Variants in TRPM3 observed in about 807,000 individuals in gnomAD.
The protein encoded by TRPM3 is transient receptor potential cation channel subfamily M member 3.
In TRPM3, 77 loss-of-function variants were observed where a neutral mutation model predicts 181.2. The observed-to-expected ratio is 0.42, with a 90% CI of 0.35 to 0.51. TRPM3 has a LOEUF of 0.51. Among genes scored for constraint, TRPM3 ranks in the 20% least tolerant of loss-of-function variants. The pLI is 0.01. For synonymous variants in TRPM3, 745 were observed against 796.4 expected, an observed-to-expected ratio of 0.94 and a Z score of 1.09; for missense variants, 1,759 against 2,196.7, an observed-to-expected ratio of 0.80 and a Z score of 3.98.
chr9:70,915,297 T>A (rs2096580160), intron 1 of TRPM3, among the ~76,000 whole-genome samples: 1 of 151,174 alleles, frequency 6.6e-6, no homozygotes, highest in Admixed American at 6.6e-5. Context: ...TGCATCAGAG[T>A]CTTTTTTTTT....
intron 1 of TRPM3, among the ~76,000 whole-genome samples, chr9:71,233,573 A>G (rs1051672607): frequency 1.3e-5 from 2 of 152,264 alleles, no homozygotes; most frequent in Admixed American, 6.5e-5. Flanking sequence ...TGTGGGGAAC[A>G]GCCTTGATGA....
chr9:71,246,593 T>C (rs1461402575), intron 1 of TRPM3, among the ~76,000 whole-genome samples: 1 of 152,222 alleles, frequency 6.6e-6, no homozygotes, highest in Non-Finnish European at 1.5e-5. Context: ...AGAATTGAAT[T>C]GGCCCTGTTT....
At chr9:70,856,394 G>C (rs2095389297) in intron 3 of TRPM3, among the ~76,000 whole-genome samples, 1 of 152,164 alleles carries the variant, frequency 6.6e-6, no homozygotes, top group Non-Finnish European at 1.5e-5. Context: ...GTTAGCCACA[G>C]CCTATTGATC....
chr9:70,546,310 A>G (rs2044864784), intron 25 of TRPM3, among the ~76,000 whole-genome samples: 1 of 152,184 alleles, frequency 6.6e-6, no homozygotes, highest in Admixed American at 6.5e-5. Context: ...TGCAATTTTC[A>G]GGCCTTACTG....
chr9:70,934,309 A>T (rs2096803237), intron 1 of TRPM3, among the ~76,000 whole-genome samples: 1 of 152,140 alleles, frequency 6.6e-6, no homozygotes, highest in Non-Finnish European at 1.5e-5. Flanking sequence ...GAGTTGTGGC[A>T]TTGTTCATTC....
intron 18 of TRPM3, among the ~76,000 whole-genome samples, chr9:70,611,015 T>C (rs891842960): frequency 6.6e-6 from 1 of 152,202 alleles, no homozygotes; most frequent in East Asian, 1.9e-4. Flanking sequence ...ATGTGGGTTA[T>C]AGATGATACC....
At chr9:71,347,244 T>C (rs945758785) in intron 1 of TRPM3, among the ~76,000 whole-genome samples, 4 of 152,178 alleles carry the variant, frequency 2.6e-5, no homozygotes, top group Non-Finnish European at 4.4e-5. Context: ...GTAAAAATGT[T>C]GATACATGAT....
intron 1 of TRPM3, among the ~76,000 whole-genome samples, chr9:71,288,164 T>G (rs910733205): frequency 4.6e-5 from 7 of 151,508 alleles, no homozygotes; most frequent in African/African-American, 1.7e-4. Flanking sequence ...AACCCCGATA[T>G]TAAATTTATA....
At chr9:71,081,872 A>G (rs563171142) in intron 1 of TRPM3, among the ~76,000 whole-genome samples, 3 of 152,320 alleles carry the variant, frequency 2.0e-5, no homozygotes, top group Admixed American at 6.5e-5. Flanking sequence ...TTTTCTTAGC[A>G]ACATTGCCAC....
chr9:71,038,234 C>A (rs1407508871), intron 1 of TRPM3, among the ~76,000 whole-genome samples: 1 of 152,184 alleles, frequency 6.6e-6, no homozygotes. Flanking sequence ...GAATGTAGAT[C>A]AGGAGCATGA....
chr9:71,057,303 C>CTAGCTTGG (rs1471332023), intron 1 of TRPM3, among the ~76,000 whole-genome samples: 5 of 151,970 alleles, frequency 3.3e-5, no homozygotes, highest in African/African-American at 1.2e-4. Flanking sequence ...TTTTGTAGCC[C>CTAGCTTGG]TAGCTTGGGC....
intron 9 of TRPM3, among the ~76,000 whole-genome samples, chr9:70,644,085 T>C (rs1017517101): frequency 7.9e-5 from 12 of 152,208 alleles, no homozygotes; most frequent in African/African-American, 2.9e-4. Context: ...CAGATATTTA[T>C]TGAATACTCT....
At chr9:71,293,916 G>T (rs1010272326) in intron 1 of TRPM3, among the ~76,000 whole-genome samples, 1 of 151,910 alleles carries the variant, frequency 6.6e-6, no homozygotes, top group African/African-American at 2.4e-5. Context: ...AGGTGGTATT[G>T]CATACCTGCG....
At chr9:71,089,363 T>C (rs1161409804) in intron 1 of TRPM3, among the ~76,000 whole-genome samples, 1 of 151,330 alleles carries the variant, frequency 6.6e-6, no homozygotes, top group Non-Finnish European at 1.5e-5. Flanking sequence ...ACAATACATA[T>C]TTTTCTTAGA....
chr9:70,917,518 G>A, intron 1 of TRPM3: 1 of 712,524 alleles, frequency 1.4e-6, no homozygotes, highest in South Asian at 1.5e-5. Flanking sequence ...CGATAACTGG[G>A]GCGGGCACGC....
chr9:70,835,103 T>C (rs1054560864), intron 5 of TRPM3, among the ~76,000 whole-genome samples: 24 of 152,242 alleles, frequency 1.6e-4, no homozygotes, highest in African/African-American at 5.5e-4. Context: ...TCTCTCGTTA[T>C]GTGGTGTGCC....
intron 9 of TRPM3, among the ~76,000 whole-genome samples, chr9:70,669,101 C>T (rs1336626998): frequency 6.6e-6 from 1 of 152,198 alleles, no homozygotes; most frequent in African/African-American, 2.4e-5. Context: ...GGATGCCCAG[C>T]TTCTGTGTAA....
chr9:70,780,788 T>G (rs2082283450), intron 7 of TRPM3, among the ~76,000 whole-genome samples: 1 of 152,226 alleles, frequency 6.6e-6, no homozygotes, highest in Admixed American at 6.5e-5. Context: ...AACTTCTCTT[T>G]AGACTTCTAT....
At chr9:71,154,818 T>C (rs1274484377) in intron 1 of TRPM3, among the ~76,000 whole-genome samples, 2 of 152,146 alleles carry the variant, frequency 1.3e-5, no homozygotes, top group African/African-American at 2.4e-5. Context: ...AATGCCAAGA[T>C]TGGAAAGCAG....
Sources: allele counts gnomAD v4.1 joint callset (sites outside exome capture counted in the v4.1 genomes callset), GRCh38; gene constraint gnomAD v4.1.1; transcripts MANE v1.5; gene names NCBI Gene and HGNC (gene_info 2026-07-23, HGNC 2026-07-21).